The following PIAS4 variants were observed in gnomAD, a reference collection of about 807,000 sequenced individuals.
The protein encoded by PIAS4 is E3 SUMO-protein ligase PIAS4.
In PIAS4, 7 loss-of-function variants were observed where a neutral mutation model predicts 58.0. The ratio of observed to expected loss-of-function variants is 0.12; its 90% CI spans 0.07 to 0.23. The LOEUF (loss-of-function observed/expected upper bound fraction) is 0.23, where lower values mean the gene tolerates loss of function less well. Among genes scored for constraint, PIAS4 ranks in the 10% least tolerant of loss-of-function variants. The pLI is 1.00. For missense variants in PIAS4, 550 were observed against 709.5 expected, an observed-to-expected ratio of 0.78 and a Z score of 2.55; for synonymous variants, 364 against 312.4, an observed-to-expected ratio of 1.17 and a Z score of -1.74.
chr19:4,015,148 C>T (rs1338173430), intron 2 of PIAS4, among the ~76,000 whole-genome samples: 1 of 152,234 alleles, frequency 6.6e-6, no homozygotes, highest in Non-Finnish European at 1.5e-5. Context: ...CCAGCCTTTG[C>T]TCTCTCATGA....
At chr19:4,009,932 G>A (rs1012573482) in intron 1 of PIAS4, among the ~76,000 whole-genome samples, 1 of 152,278 alleles carries the variant, frequency 6.6e-6, no homozygotes, top group Middle Eastern at 3.4e-3. Context: ...ACAGATCTCC[G>A]CTTTCCTGGA....
chr19:4,008,639 G>T (rs565655666), intron 1 of PIAS4, among the ~76,000 whole-genome samples: 1 of 151,928 alleles, frequency 6.6e-6, no homozygotes, highest in South Asian at 2.1e-4. Flanking sequence ...CGTTCCTCTC[G>T]GGACAGAATC....
intron 9 of PIAS4, among the ~76,000 whole-genome samples, chr19:4,036,772 T>TCA (rs375454896): frequency 2.0e-4 from 25 of 123,642 alleles, no homozygotes; most frequent in African/African-American, 3.8e-4. Flanking sequence ...GTCTACACCG[T>TCA]CACACACACA....
intron 9 of PIAS4, among the ~76,000 whole-genome samples, chr19:4,036,070 GTC>G (rs2040278476): frequency 6.7e-5 from 1 of 14,820 alleles, no homozygotes; most frequent in African/African-American, 2.0e-4. Flanking sequence ...AGTCCACACT[GTC>G]ACACATCCGT....
In PIAS4 at chr19:4,037,594, A is replaced by T. The variant is rs1176607006; in HGVS notation, c.1274-22A>T. 6.8e-6 allele frequency: 11 copies of T among 1,608,150 alleles called. No homozygotes were observed. The highest frequency in any genetic ancestry group is 9.3e-6 in the Non-Finnish European group (11 of 1,179,754). Reference sequence around the variant, plus strand: ...CAGTGGTTGCATCCTAAGTACCTGCACCCTGTCCCTGTTGCCCGTAGGCCC... The same window carrying T: ...CAGTGGTTGCATCCTAAGTACCTGCTCCCTGTCCCTGTTGCCCGTAGGCCC... On this transcript the variant is annotated intron_variant, in intron 10 of 10. Transcript: ENST00000262971. The surrounding 1 kb of genome is among the most constrained non-coding windows in gnomAD (Gnocchi z 5.8).
chr19:4,034,253 G>A (rs924985543), intron 9 of PIAS4, among the ~76,000 whole-genome samples: 2 of 152,048 alleles, frequency 1.3e-5, no homozygotes, highest in Admixed American at 1.3e-4. Context: ...TCACAGGCGG[G>A]AGCAGGCCCT....
At chr19:4,029,143 G>GGCC in intron 7 of PIAS4, 107 bp downstream of exon 7, 1 of 773,762 alleles carries the variant, frequency 1.3e-6, no homozygotes, top group South Asian at 1.6e-5. Flanking sequence ...ATCGATCAGG[G>GGCC]GCCGCCTGTC....
intron 8 of PIAS4, 102 bp from the exon 9 acceptor site, chr19:4,033,318 G>T: frequency 7.5e-7 from 1 of 1,327,702 alleles, no homozygotes; most frequent in South Asian, 1.3e-5. Flanking sequence ...CCTGAGGCAT[G>T]AGTGATTGGA....
intron 9 of PIAS4, among the ~76,000 whole-genome samples, chr19:4,035,922 ACCTG>A (rs1599234283): frequency 4.1e-4 from 3 of 7,400 alleles, no homozygotes; most frequent in East Asian, 3.3e-3. Context: ...TCACACACAC[ACCTG>A]CACACATCCA....
At chr19:4,032,838 G>A (rs1283698900) in intron 7 of PIAS4, among the ~76,000 whole-genome samples, 1 of 152,232 alleles carries the variant, frequency 6.6e-6, no homozygotes, top group Non-Finnish European at 1.5e-5. Context: ...TCCACGCAGG[G>A]TGGGGGAGGC....
At position 4,023,172 on chromosome 19, in the gene PIAS4, CAAA is replaced by C. The variant is rs36013586; in HGVS notation, c.455-849_455-847del. On this transcript the variant is annotated intron_variant, in intron 2 of 10. Transcript: ENST00000262971. The stretch of plus-strand genomic sequence containing the variant: ...GGGCAACAAGAGTGAAACAAAGTCT[CAAA>C]AAAAAAAAAAAAAATGGGGCTGGCT... Among the ~76,000 whole-genome samples the C allele has an allele frequency of 5.9e-5, 7 of 118,716 alleles. No individual in the cohort carries two copies. The South Asian group carries it at 1.4e-3, about 24-fold the overall frequency. 77.9% of individuals were successfully genotyped at this position (118,716 alleles called of 152,430 possible).
Position 4,037,746 on chromosome 19 carries a change from C to T in PIAS4, c.1404C>T (p.Leu468=). 6.2e-7 allele frequency: 1 copy of T among 1,610,534 alleles called. No individual in the cohort carries two copies. Among genetic ancestry groups the T allele is most frequent in the Non-Finnish European group, 8.5e-7 (1 of 1,178,978 alleles). Reference sequence around the variant, plus strand: ...AGCCGGGCGCCGATGTGGTGGACCTCACGCTGGACAGCTCATCGTCCTCGG... The same window carrying T: ...AGCCGGGCGCCGATGTGGTGGACCTTACGCTGGACAGCTCATCGTCCTCGG... The part of the protein sequence containing the change: ...NGKPGADVVD[L]TLDSSSSSED... The change falls in exon 11 of 11, where the codon CTC becomes CTT. Residue 468 remains leucine (L), a synonymous_variant. Transcript: ENST00000262971. The surrounding 1 kb of genome is among the most constrained non-coding windows in gnomAD (Gnocchi z 5.8).
rs563500568 is a variant in PIAS4, at chr19:4,028,437, C to T, written c.582-73C>T. ...CCATCACTGCCGCCTGGCTACCACT[C>T]GTGTACCCCCGCAGCAGCCTAGTCC... On this transcript the variant is annotated intron_variant, in intron 4 of 10. Coordinates refer to ENST00000262971, the MANE Select transcript of PIAS4 (RefSeq NM_015897.4). 167 of 1,127,886 alleles carry T rather than the reference C, an allele frequency of 1.5e-4. No homozygotes were observed. The African/African-American group carries it at 1.6e-3, about 11-fold the overall frequency. The allele number at this position is 1,127,886 out of a possible 1,614,324, so 69.9% of individuals were successfully genotyped here.
intron 2 of PIAS4, among the ~76,000 whole-genome samples, chr19:4,016,875 C>T (rs929490055): frequency 3.3e-5 from 5 of 152,128 alleles, no homozygotes; most frequent in Non-Finnish European, 7.4e-5. Flanking sequence ...GGCTGGAACC[C>T]GAGAATGGTG....
chr19:4,035,731 A>ACATC (rs1368689210), intron 9 of PIAS4, among the ~76,000 whole-genome samples: 3 of 137,558 alleles, frequency 2.2e-5, no homozygotes, highest in Non-Finnish European at 4.8e-5. Context: ...GCATGCCCAC[A>ACATC]CATCCATACA....
chr19:4,035,843 C>T (rs927974116), intron 9 of PIAS4, among the ~76,000 whole-genome samples: 10 of 111,718 alleles, frequency 9.0e-5, no homozygotes, highest in African/African-American at 2.1e-4. Flanking sequence ...CACACACACC[C>T]GCACACATCC....
At chr19:4,020,737 G>A (rs2040101617) in intron 2 of PIAS4, among the ~76,000 whole-genome samples, 1 of 152,224 alleles carries the variant, frequency 6.6e-6, no homozygotes, top group South Asian at 2.1e-4. Flanking sequence ...GGGAATGACA[G>A]CTGCACACCA....
chr19:4,017,892 C>G (rs1057035741), intron 2 of PIAS4: 5 of 152,388 alleles, frequency 3.3e-5, no homozygotes, highest in Middle Eastern at 3.4e-3. Flanking sequence ...CCAGGCTAGT[C>G]TTGAACTCCT....
intron 3 of PIAS4, among the ~76,000 whole-genome samples, chr19:4,027,882 G>A (rs896965314): frequency 6.6e-6 from 1 of 151,974 alleles, no homozygotes; most frequent in African/African-American, 2.4e-5. Context: ...ATGTTTCTTC[G>A]CAGGGAGAGG....
Sources: allele counts gnomAD v4.1 joint callset (sites outside exome capture counted in the v4.1 genomes callset), GRCh38; gene constraint gnomAD v4.1.1; non-coding constraint Gnocchi (gnomAD v3.1); transcripts MANE v1.5; gene names NCBI Gene and HGNC (gene_info 2026-07-23, HGNC 2026-07-21).